The following HCRTR2 variants were observed in gnomAD, a reference collection of about 807,000 sequenced individuals.
HCRTR2 encodes orexin receptor type 2.
In HCRTR2, 22 loss-of-function variants were observed where a neutral mutation model predicts 49.0. The ratio of observed to expected loss-of-function variants is 0.45; its 90% CI spans 0.32 to 0.64. The LOEUF (loss-of-function observed/expected upper bound fraction) is 0.64. HCRTR2 is among the 30% of genes least tolerant of loss of function. The pLI, the probability that HCRTR2 is intolerant of heterozygous loss-of-function variation, is 0.04. For synonymous variants in HCRTR2, 236 were observed against 205.3 expected (o/e 1.15, Z -1.28); for missense variants, 491 against 559.4 (o/e 0.88, Z 1.23).
In HCRTR2 at chr6:55,282,351, T is replaced by A; in HGVS notation, c.1232T>A (p.Ile411Asn). 1 of 1,613,602 alleles carries A rather than the reference T, an allele frequency of 6.2e-7. No homozygotes were observed. Among genetic ancestry groups the A allele is most frequent in the Non-Finnish European group, 8.5e-7 (1 of 1,179,676 alleles). ...TESRKSLTTQ[I>N]SNFDNISKLS... The stretch of plus-strand genomic sequence containing the variant: ...AGCCGGAAGTCCTTGACCACTCAAA[T>A]CAGCAACTTTGATAACATATCAAAA... The change falls in exon 7 of 7, where the codon ATC becomes AAC. Residue 411 changes from isoleucine to asparagine, a missense_variant. Physicochemically the swap from Ile to Asn is moderately radical, Grantham distance 149 (BLOSUM62 -3). Transcript: ENST00000370862.
intron 2 of HCRTR2, among the ~76,000 whole-genome samples, chr6:55,251,820 A>C (rs1210713869): frequency 1.3e-5 from 2 of 152,124 alleles, no homozygotes; most frequent in African/African-American, 2.4e-5. Flanking sequence ...CCCATAGTAT[A>C]GGTCAAAGAC....
chr6:55,241,543 A>T (rs2127306842), intron 1 of HCRTR2, among the ~76,000 whole-genome samples: 1 of 152,284 alleles, frequency 6.6e-6, no homozygotes, highest in South Asian at 2.1e-4. Context: ...ACAACCAAGA[A>T]ATCGCAAAGT....
intron 1 of HCRTR2, among the ~76,000 whole-genome samples, chr6:55,126,496 G>T (rs1026547183): frequency 6.6e-6 from 1 of 152,146 alleles, no homozygotes; most frequent in South Asian, 2.1e-4. Flanking sequence ...GAGATCCCCT[G>T]CCAGATGCCA....
intron 1 of HCRTR2, among the ~76,000 whole-genome samples, chr6:55,248,144 G>A (rs1304233010): frequency 1.3e-5 from 2 of 152,078 alleles, no homozygotes; most frequent in Non-Finnish European, 1.5e-5. Context: ...ATTTGGCAAT[G>A]GTAGGAGCTG....
chr6:55,239,716 G>A (rs2127304778), intron 1 of HCRTR2, among the ~76,000 whole-genome samples: 1 of 151,682 alleles, frequency 6.6e-6, no homozygotes, highest in African/African-American at 2.4e-5. Context: ...CTTTTCTTGA[G>A]GAAATAAAAC....
chr6:55,139,782 G>A (rs1764481663), intron 1 of HCRTR2, among the ~76,000 whole-genome samples: 1 of 152,136 alleles, frequency 6.6e-6, no homozygotes, highest in Non-Finnish European at 1.5e-5. Context: ...TGGTCAAAGA[G>A]GAGCCAAGCA....
intron 1 of HCRTR2, among the ~76,000 whole-genome samples, chr6:55,151,601 T>C (rs1323131325): frequency 3.3e-5 from 5 of 151,952 alleles, no homozygotes; most frequent in African/African-American, 1.2e-4. Flanking sequence ...CAAAGTAATC[T>C]ATGAGGGCTG....
chr6:55,267,573 G>A (rs982531317), intron 4 of HCRTR2, among the ~76,000 whole-genome samples: 3 of 151,710 alleles, frequency 2.0e-5, no homozygotes, highest in Admixed American at 6.6e-5. Flanking sequence ...AATCTTAATC[G>A]TCATGTGCTT....
chr6:55,191,054 C>A (rs1182037293), intron 1 of HCRTR2, among the ~76,000 whole-genome samples: 5 of 151,876 alleles, frequency 3.3e-5, no homozygotes, highest in Admixed American at 2.0e-4. Flanking sequence ...TGGAATTTGG[C>A]AAGAAAGCAA....
At chr6:55,123,609 A>G (rs1208200593) in intron 1 of HCRTR2, among the ~76,000 whole-genome samples, 1 of 151,988 alleles carries the variant, frequency 6.6e-6, no homozygotes, top group Non-Finnish European at 1.5e-5. Context: ...TGTCTCTGCC[A>G]GGTTTTGCTA....
chr6:55,273,564 T>C (rs1767015493), intron 4 of HCRTR2, among the ~76,000 whole-genome samples: 1 of 152,240 alleles, frequency 6.6e-6, no homozygotes, highest in Non-Finnish European at 1.5e-5. Flanking sequence ...CACTTCAGTG[T>C]AGCTTCAGCT....
chr6:55,206,799 T>C (rs999069273), intron 1 of HCRTR2, among the ~76,000 whole-genome samples: 1 of 152,054 alleles, frequency 6.6e-6, no homozygotes, highest in Admixed American at 6.6e-5. Context: ...CATGATCCTC[T>C]TGAAAAGATC....
chr6:55,132,566 TG>T (rs775833742), intron 1 of HCRTR2, among the ~76,000 whole-genome samples: 2 of 151,888 alleles, frequency 1.3e-5, no homozygotes, highest in Non-Finnish European at 3.0e-5. Context: ...TAAAGTTAAA[TG>T]TTTTTTGGGA....
At chr6:55,234,240 A>C (rs1022827335) in intron 1 of HCRTR2, among the ~76,000 whole-genome samples, 7 of 152,166 alleles carry the variant, frequency 4.6e-5, no homozygotes, top group Non-Finnish European at 8.8e-5. Flanking sequence ...AACCTAGGTC[A>C]TATAAATTTT....
intron 1 of HCRTR2, among the ~76,000 whole-genome samples, chr6:55,153,095 T>A (rs1301318044): frequency 1.3e-5 from 2 of 152,022 alleles, no homozygotes; most frequent in Non-Finnish European, 2.9e-5. Flanking sequence ...CCGACTTGAT[T>A]TTATTTTTTG....
upstream of HCRTR2, among the ~76,000 whole-genome samples, chr6:55,169,845 T>C (rs767921296): frequency 1.6e-4 from 24 of 152,152 alleles, no homozygotes; most frequent in Non-Finnish European, 3.1e-4. Flanking sequence ...TGAGAGATCA[T>C]TGAGGCTAGA....
chr6:55,110,321 A>C (rs987218994), intron 1 of HCRTR2, among the ~76,000 whole-genome samples: 2 of 152,010 alleles, frequency 1.3e-5, no homozygotes, highest in Non-Finnish European at 2.9e-5. Context: ...ACAACAACAA[A>C]AACAAGGTAT....
At chr6:55,262,270 T>TA (rs1766772373) in intron 3 of HCRTR2, among the ~76,000 whole-genome samples, 1 of 146,726 alleles carries the variant, frequency 6.8e-6, no homozygotes, top group Non-Finnish European at 1.5e-5. Flanking sequence ...AATAAAAAAT[T>TA]AAAAAAATAC....
At chr6:55,140,269 C>G (rs1764489727) in intron 1 of HCRTR2, among the ~76,000 whole-genome samples, 1 of 152,036 alleles carries the variant, frequency 6.6e-6, no homozygotes, top group Non-Finnish European at 1.5e-5. Flanking sequence ...AATATTAAGG[C>G]CTATAGAAAA....
Sources: allele counts gnomAD v4.1 joint callset (sites outside exome capture counted in the v4.1 genomes callset), GRCh38; gene constraint gnomAD v4.1.1; transcripts MANE v1.5; gene names NCBI Gene and HGNC (gene_info 2026-07-23, HGNC 2026-07-21).